Variants in MIAT observed in about 807,000 individuals in gnomAD.
The protein encoded by MIAT is MI related novel mRNA.
chr22:26,670,837 A>C, downstream of MIAT: 1 of 398,608 alleles, frequency 2.5e-6, no homozygotes. Flanking sequence ...AAAGTACAGC[A>C]GTGATAGAAG....
At chr22:26,659,653 C>T (rs1930586162) in intron 2 of MIAT, among the ~76,000 whole-genome samples, 1 of 151,796 alleles carries the variant, frequency 6.6e-6, no homozygotes, top group South Asian at 2.1e-4. Flanking sequence ...GCCTGGGCAA[C>T]ATGGTGAGAC....
At chr22:26,650,728 G>A (rs901357276) in intron 2 of MIAT, among the ~76,000 whole-genome samples, 4 of 152,200 alleles carry the variant, frequency 2.6e-5, no homozygotes, top group Admixed American at 1.3e-4. Flanking sequence ...CCCAAGCATG[G>A]CAGTGGGGTC....
At chr22:26,651,364 C>T (rs1328305805) in intron 2 of MIAT, among the ~76,000 whole-genome samples, 1 of 152,182 alleles carries the variant, frequency 6.6e-6, no homozygotes, top group African/African-American at 2.4e-5. Context: ...GGAGGGAAGA[C>T]AAAATTTGGC....
chr22:26,651,378 G>A (rs1040075378), intron 2 of MIAT, among the ~76,000 whole-genome samples: 7 of 152,170 alleles, frequency 4.6e-5, no homozygotes, highest in African/African-American at 1.7e-4. Context: ...ATTTGGCCTT[G>A]CCCAGAGCCC....
intron 2 of MIAT, among the ~76,000 whole-genome samples, chr22:26,652,697 C>T (rs1930357847): frequency 6.6e-6 from 1 of 152,038 alleles, no homozygotes; most frequent in Admixed American, 6.6e-5. Context: ...GGGCTGATAA[C>T]AGAATTGCAA....
intron 2 of MIAT, chr22:26,657,522 G>A (rs979005721): frequency 1.3e-5 from 5 of 398,586 alleles, no homozygotes; most frequent in Non-Finnish European, 2.2e-5. Context: ...CGGGACCAGA[G>A]GGAGGGAGGC....
At chr22:26,669,675 C>A (rs938650002), downstream of MIAT, 7 of 398,938 alleles carry the variant, frequency 1.8e-5, no homozygotes, top group South Asian at 1.3e-4. Context: ...AAAGTCAGAG[C>A]CTTCTCCCCT....
exon 1 of MIAT, chr22:26,646,587 T>G: frequency 2.5e-6 from 1 of 398,398 alleles, no homozygotes; most frequent in East Asian, 3.6e-5. Context: ...AGACTGAAAT[T>G]TGGCTCAGAT....
intron 2 of MIAT, among the ~76,000 whole-genome samples, chr22:26,648,053 G>T (rs1930268506): frequency 6.6e-6 from 1 of 152,116 alleles, no homozygotes; most frequent in Non-Finnish European, 1.5e-5. Context: ...ATCTCCTGTG[G>T]CTGAGAGGGG....
At position 26,651,337 on chromosome 22, in the gene MIAT, C is replaced by A. The variant is rs148455440; in HGVS notation, n.646+4026C>A. 4.3e-3 allele frequency among the ~76,000 whole-genome samples: 650 copies of A among 152,298 alleles called. 7 individuals carry two copies. The highest frequency in any genetic ancestry group is 0.024 in the Middle Eastern group (7 of 294). On this transcript the variant is annotated intron_variant and non_coding_transcript_variant, in intron 2 of 5. Coordinates refer to ENST00000643270, the Ensembl canonical transcript of MIAT. ...CCCTGATCCCCTGATGGACCAGTCT[C>A]CATCAGTAACATGGCTGGAGGGAAG...
chr22:26,653,148 T>G (rs1930367536), intron 2 of MIAT, among the ~76,000 whole-genome samples: 1 of 152,166 alleles, frequency 6.6e-6, no homozygotes, highest in Non-Finnish European at 1.5e-5. Context: ...ACAAAGGCAC[T>G]CAACAGATGG....
chr22:26,647,640 A>G lies in MIAT; in HGVS notation n.646+329A>G, dbSNP rs148723056. On this transcript the variant is annotated intron_variant and non_coding_transcript_variant, in intron 2 of 5. Transcript: ENST00000643270. ...GCTGGGGGCCAGCCATGGCAGGGTA[A>G]GGCTGCAAGGGAAGGTAAAGGTTGC... 3.2e-4 allele frequency among the ~76,000 whole-genome samples: 49 copies of G among 152,224 alleles called. No individual in the cohort carries two copies. In the East Asian group the frequency reaches 8.9e-3, roughly 28 times the overall value.
chr22:26,648,554 G>GT lies in MIAT; in HGVS notation n.646+1247dup, dbSNP rs770401693. Among the ~76,000 whole-genome samples, 422 of 101,156 alleles carry GT rather than the reference G, an allele frequency of 4.2e-3. 8 individuals carry two copies. In the East Asian group the frequency reaches 0.044, roughly 11 times the overall value. 66.4% of individuals were successfully genotyped at this position (101,156 alleles called of 152,430 possible). ...CCCTGGACTTTCATAGTTTGATGGG[G>GT]TTTTGTTTTTTTTTTTTGTCTTAAT... On this transcript the variant is annotated intron_variant and non_coding_transcript_variant, in intron 2 of 5. Transcript: ENST00000643270.
exon 5 of MIAT, chr22:26,676,428 G>A (rs1265638394): frequency 2.5e-6 from 1 of 398,522 alleles, no homozygotes; most frequent in African/African-American, 2.1e-5. Context: ...GAATGTAGCT[G>A]CTTCTGTGTA....
chr22:26,668,679 T>TCGGGTGC, exon 6 of MIAT: 1 of 399,018 alleles, frequency 2.5e-6, no homozygotes, highest in Non-Finnish European at 4.4e-6. Context: ...ATGCAGCTCC[T>TCGGGTGC]CGGGTGCCGC....
intron 5 of MIAT, among the ~76,000 whole-genome samples, chr22:26,667,513 G>C (rs1034279675): frequency 1.3e-5 from 2 of 152,016 alleles, no homozygotes; most frequent in Admixed American, 1.3e-4. Flanking sequence ...AGCCATCAAA[G>C]GCCTCTGAAA....
Position 26,659,511 on chromosome 22 carries a change from T to G in MIAT, n.647-3805T>G, listed in dbSNP as rs571537322. Among the ~76,000 whole-genome samples the G allele has an allele frequency of 1.6e-4, 25 of 152,084 alleles. No individual in the cohort carries two copies. The South Asian group carries it at 5.2e-3, about 32-fold the overall frequency. On this transcript the variant is annotated intron_variant and non_coding_transcript_variant, in intron 2 of 5. Transcript: ENST00000643270. The stretch of plus-strand genomic sequence containing the variant: ...CAACCATAACCCCTTACCGCCAGCT[T>G]TAGGAGAATAATTCTCTATGCTTGC...
chr22:26,654,589 A>G (rs1025487033), intron 2 of MIAT, among the ~76,000 whole-genome samples: 2 of 152,340 alleles, frequency 1.3e-5, no homozygotes, highest in African/African-American at 4.8e-5. Context: ...TGATGACAAA[A>G]GCTCAGGCAG....
chr22:26,674,750 G>A (rs1334564688), exon 5 of MIAT: 1 of 398,664 alleles, frequency 2.5e-6, no homozygotes, highest in Admixed American at 4.4e-5. Flanking sequence ...TCTAGTGGCT[G>A]CCTTGCTCCA....
Sources: allele counts gnomAD v4.1 joint callset (sites outside exome capture counted in the v4.1 genomes callset), GRCh38; gene constraint gnomAD v4.1.1; transcripts MANE v1.5; gene names NCBI Gene and HGNC (gene_info 2026-07-23, HGNC 2026-07-21).